Variants in TJP1 observed in about 807,000 individuals in gnomAD.
TJP1 encodes tight junction protein ZO-1.
Under a neutral mutation model 194.2 loss-of-function variants are expected in TJP1, and 43 were observed. That is an observed-to-expected ratio of 0.22 (90% CI 0.17 to 0.29). The LOEUF is 0.29. Ranked by LOEUF, TJP1 falls within the 10% of genes least tolerant of loss-of-function variation. The pLI is 1.00. For synonymous variants in TJP1, 801 were observed against 779.0 expected (o/e 1.03, Z -0.47); for missense variants, 1,971 against 2,185.7 (o/e 0.90, Z 1.96).
intron 2 of TJP1, among the ~76,000 whole-genome samples, chr15:29,931,500 G>A (rs1363333877): frequency 1.3e-5 from 2 of 152,140 alleles, no homozygotes; most frequent in Non-Finnish European, 2.9e-5. Context: ...AAATTATAAA[G>A]TTATTAATTT....
At chr15:29,785,909 T>A (rs2151767455) in intron 2 of TJP1, among the ~76,000 whole-genome samples, 1 of 152,290 alleles carries the variant, frequency 6.6e-6, no homozygotes, top group Admixed American at 6.5e-5. Flanking sequence ...TACTTGCCAA[T>A]CATGACCTTA....
intron 2 of TJP1, among the ~76,000 whole-genome samples, chr15:29,784,836 GTAACAGC>G (rs1323975092): frequency 6.6e-6 from 1 of 152,096 alleles, no homozygotes; most frequent in Non-Finnish European, 1.5e-5. Flanking sequence ...GTTAAATGAT[GTAACAGC>G]TATATGATCT....
intron 1 of TJP1, among the ~76,000 whole-genome samples, chr15:29,963,631 C>T (rs1005781029): frequency 6.6e-6 from 1 of 151,982 alleles, no homozygotes; most frequent in African/African-American, 2.4e-5. Context: ...AAATCACACC[C>T]CCTTTTCTCC....
chr15:29,850,968 T>C (rs2051621461), intron 2 of TJP1, among the ~76,000 whole-genome samples: 2 of 152,040 alleles, frequency 1.3e-5, no homozygotes, highest in Non-Finnish European at 2.9e-5. Context: ...TGAAACGCTG[T>C]CTCTACTAAA....
At chr15:29,817,957 G>A (rs1029652495) in intron 1 of TJP1, among the ~76,000 whole-genome samples, 11 of 151,406 alleles carry the variant, frequency 7.3e-5, no homozygotes, top group African/African-American at 2.7e-4. Context: ...CATGGCACAC[G>A]TATACCTATG....
intron 2 of TJP1, among the ~76,000 whole-genome samples, chr15:29,868,274 G>C (rs1375326915): frequency 6.6e-6 from 1 of 152,114 alleles, no homozygotes; most frequent in African/African-American, 2.4e-5. Flanking sequence ...AATTTTCCGG[G>C]CATTAAAAAT....
chr15:29,765,894 CAACAAA>C (rs1382438183), intron 5 of TJP1, among the ~76,000 whole-genome samples: 1 of 151,532 alleles, frequency 6.6e-6, no homozygotes, highest in East Asian at 1.9e-4. Flanking sequence ...CTTGTAACAA[CAACAAA>C]AACAACAACA....
chr15:29,760,261 G>A (rs992259429), intron 8 of TJP1: 1 of 702,268 alleles, frequency 1.4e-6, no homozygotes, highest in Non-Finnish European at 2.6e-6. Context: ...CATTTTTCTG[G>A]AGAGAAGGAT....
At chr15:29,797,235 T>C (rs1026094934) in intron 2 of TJP1, among the ~76,000 whole-genome samples, 3 of 152,200 alleles carry the variant, frequency 2.0e-5, no homozygotes, top group African/African-American at 7.2e-5. Flanking sequence ...TTGCAACCTC[T>C]GCCTCCTGGG....
At chr15:29,746,185 T>C (rs2044760823) in intron 8 of TJP1, among the ~76,000 whole-genome samples, 1 of 152,102 alleles carries the variant, frequency 6.6e-6, no homozygotes, top group Non-Finnish European at 1.5e-5. Context: ...GAGACCATCC[T>C]GGCTACGGGT....
intron 20 of TJP1, 91 bp downstream of exon 20, chr15:29,719,686 G>C: frequency 4.0e-6 from 6 of 1,509,816 alleles, no homozygotes; most frequent in Non-Finnish European, 5.3e-6. Flanking sequence ...CAGTAAAAAA[G>C]CAAAAGGAAC....
At chr15:29,740,223 C>A (rs1316198859) in intron 10 of TJP1, among the ~76,000 whole-genome samples, 1 of 152,102 alleles carries the variant, frequency 6.6e-6, no homozygotes, top group East Asian at 1.9e-4. Flanking sequence ...GATTCGCCCG[C>A]CTCGGCCTCC....
intron 2 of TJP1, among the ~76,000 whole-genome samples, chr15:29,790,837 C>T (rs997192595): frequency 6.6e-6 from 1 of 150,834 alleles, no homozygotes; most frequent in Admixed American, 6.6e-5. Context: ...AACGTAATGT[C>T]CTCCAGTCTC....
chr15:29,872,031 A>G (rs2152118834), intron 2 of TJP1, among the ~76,000 whole-genome samples: 1 of 152,300 alleles, frequency 6.6e-6, no homozygotes, highest in Middle Eastern at 3.4e-3. Context: ...TGTCAGAAGG[A>G]AGGCCAGGCA....
chr15:29,968,329 G>A lies in TJP1; in HGVS notation c.173+338C>T, dbSNP rs1339429183. On this transcript the variant is annotated intron_variant, in intron 1 of 28. Transcript: ENST00000356107. ...GGCTGGAAATTCTGAGCCAGAACCC[G>A]CCGTAATGGAGCAGAAAGGACAGAC... The A allele has an allele frequency of 4.1e-6, 4 of 985,284 alleles. No homozygotes were observed. In the African/African-American group the frequency reaches 5.2e-5, roughly 13 times the overall value. The allele number at this position is 985,284 out of a possible 1,614,324, so 61.0% of individuals were successfully genotyped here.
chr15:29,825,148 A>G (rs2050638976), upstream of TJP1, among the ~76,000 whole-genome samples: 1 of 152,216 alleles, frequency 6.6e-6, no homozygotes, highest in Admixed American at 6.5e-5. Context: ...TTTATTTTTT[A>G]GGTAGGTGCT....
intron 2 of TJP1, among the ~76,000 whole-genome samples, chr15:29,833,877 A>ATTTTTTTT (rs1332880070): frequency 7.6e-4 from 11 of 14,440 alleles, no homozygotes; most frequent in East Asian, 0.014. Context: ...ATATATATAT[A>ATTTTTTTT]TATATTTTTT....
chr15:29,827,523 T>TAGCC (rs1482093682), intron 2 of TJP1, among the ~76,000 whole-genome samples: 1 of 152,214 alleles, frequency 6.6e-6, no homozygotes, highest in Non-Finnish European at 1.5e-5. Flanking sequence ...CAGTCTCTTC[T>TAGCC]AGCCGGCTTG....
At chr15:29,828,143 C>T (rs1177800952) in intron 2 of TJP1, among the ~76,000 whole-genome samples, 2 of 152,010 alleles carry the variant, frequency 1.3e-5, no homozygotes, top group Non-Finnish European at 2.9e-5. Flanking sequence ...TATTTATTTA[C>T]GTGATATGTA....
Sources: gnomAD v4.1 joint callset for allele counts (sites outside exome capture counted in the v4.1 genomes callset) on GRCh38, gnomAD v4.1.1 for gene constraint, MANE v1.5 for transcripts, NCBI Gene and HGNC (gene_info 2026-07-23, HGNC 2026-07-21) for gene names.